The following ATP6V1A variants were observed in gnomAD, a reference collection of about 807,000 sequenced individuals.
ATP6V1A encodes the protein V-type proton ATPase catalytic subunit A.
Under a neutral mutation model 70.1 loss-of-function variants are expected in ATP6V1A, and 18 were observed. The ratio of observed to expected loss-of-function variants is 0.26; its 90% CI spans 0.18 to 0.38. The LOEUF is 0.38. Ranked by LOEUF, ATP6V1A falls within the 10% of genes least tolerant of loss-of-function variation. ATP6V1A has a pLI of 1.00. For synonymous variants in ATP6V1A, 232 were observed against 253.8 expected, an observed-to-expected ratio of 0.91 and a Z score of 0.82; for missense variants, 424 against 772.4, an observed-to-expected ratio of 0.55 and a Z score of 5.35.
intron 12 of ATP6V1A, among the ~76,000 whole-genome samples, chr3:113,799,323 T>C (rs1709185169): frequency 6.6e-6 from 1 of 152,202 alleles, no homozygotes; most frequent in Admixed American, 6.5e-5. Context: ...AATGTAATAA[T>C]ACAATGGAAA....
chr3:113,783,961 C>T (rs1333257993), intron 3 of ATP6V1A, among the ~76,000 whole-genome samples: 2 of 151,968 alleles, frequency 1.3e-5, no homozygotes, highest in Non-Finnish European at 2.9e-5. Context: ...TATATTTTTT[C>T]AAATTGCTAC....
intron 1 of ATP6V1A, among the ~76,000 whole-genome samples, chr3:113,761,509 G>A (rs552049457): frequency 1.3e-5 from 2 of 152,068 alleles, no homozygotes; most frequent in South Asian, 4.2e-4. Context: ...GGCCGAGGTG[G>A]GTAGATCACC....
At chr3:113,792,829 A>G (rs899486230) in intron 8 of ATP6V1A, among the ~76,000 whole-genome samples, 1 of 152,234 alleles carries the variant, frequency 6.6e-6, no homozygotes, top group African/African-American at 2.4e-5. Context: ...GGAAAAGTTG[A>G]AAGAATGTTA....
intron 1 of ATP6V1A, among the ~76,000 whole-genome samples, chr3:113,767,944 G>A (rs912137805): frequency 7.2e-5 from 11 of 152,078 alleles, no homozygotes; most frequent in Non-Finnish European, 1.5e-4. Context: ...GTGCCTGGCT[G>A]GAAAGTAATC....
rs757673439 is a variant in ATP6V1A, at chr3:113,805,425, C to T, written c.1661C>T (p.Ala554Val). ...MIAFYDMARR[A>V]VETTAQSDNK... ...GCATTTTATGATATGGCTCGTAGAG[C>T]TGTTGAAACCACTGCCCAGAGTGAC... The change falls in exon 14 of 15, where the codon GCT becomes GTT. Residue 554 changes from alanine to valine, a missense_variant. By Grantham distance (64) the Ala-to-Val change is moderately conservative. This residue lies in a region of ATP6V1A where 127 missense variants were observed against 207.9 expected (regional missense o/e 0.61). Coordinates refer to ENST00000273398, the MANE Select transcript of ATP6V1A (RefSeq NM_001690.4). The T allele has an allele frequency of 1.9e-6, 3 of 1,613,768 alleles. No homozygotes were observed. In the East Asian group the frequency reaches 6.7e-5, roughly 36 times the overall value.
rs771765985 is a variant in ATP6V1A at position 113,781,115 on chromosome 3, T to G, written c.148T>G (p.Leu50Val). Reference sequence around the variant, plus strand: ...GCTGGTGAGAGTGGGCCACAGCGAATTGGTTGGAGAGATTATTCGATTGGA... The same window carrying G: ...GCTGGTGAGAGTGGGCCACAGCGAAGTGGTTGGAGAGATTATTCGATTGGA... ...YELVRVGHSE[L>V]VGEIIRLEGD... The change falls in exon 3 of 15, where the codon TTG (leucine) becomes GTG (valine). Residue 50 changes from leucine (L) to valine (V), a missense_variant. Leu to Val is a conservative substitution (Grantham distance 32). Coordinates refer to ENST00000273398, the MANE Select transcript of ATP6V1A (RefSeq NM_001690.4). 6.2e-7 allele frequency: 1 copy of G among 1,613,702 alleles called. No individual in the cohort carries two copies. Among genetic ancestry groups the G allele is most frequent in the South Asian group, 1.1e-5 (1 of 91,060 alleles).
chr3:113,785,506 C>CTTTTTTT (rs987781968), intron 5 of ATP6V1A, among the ~76,000 whole-genome samples: 14 of 107,168 alleles, frequency 1.3e-4, no homozygotes, highest in South Asian at 9.1e-4. Context: ...TTTTTCTTTT[C>CTTTTTTT]TTTTTTTTTT....
At chr3:113,759,939 G>A (rs1372315397) in intron 1 of ATP6V1A, among the ~76,000 whole-genome samples, 1 of 152,166 alleles carries the variant, frequency 6.6e-6, no homozygotes, top group African/African-American at 2.4e-5. Context: ...TTATAGTCTG[G>A]AAGTGAAGAC....
At chr3:113,788,689 C>T (rs1188376445) in intron 6 of ATP6V1A, 24 bp from the exon 7 acceptor site, 2 of 1,599,748 alleles carry the variant, frequency 1.3e-6, no homozygotes, top group Non-Finnish European at 1.7e-6. Context: ...GTCAAGTAAT[C>T]CATACTTTGT....
intron 2 of ATP6V1A, 104 bp downstream of exon 2, chr3:113,778,939 A>C (rs1708948812): frequency 1.1e-5 from 9 of 790,942 alleles, no homozygotes; most frequent in Non-Finnish European, 1.7e-5. Flanking sequence ...TACCTGCATA[A>C]ATTCTGTTTG....
intron 1 of ATP6V1A, among the ~76,000 whole-genome samples, chr3:113,750,719 A>G (rs1377746052): frequency 6.6e-6 from 1 of 152,204 alleles, no homozygotes; most frequent in East Asian, 1.9e-4. Context: ...TGCCTAGAAC[A>G]TATTTTGTAA....
chr3:113,767,862 A>C (rs556392928), intron 1 of ATP6V1A, among the ~76,000 whole-genome samples: 2 of 152,174 alleles, frequency 1.3e-5, no homozygotes, highest in Admixed American at 6.5e-5. Context: ...CATCTTGGCC[A>C]GGCAAGTCTT....
chr3:113,803,548 G>C, intron 12 of ATP6V1A, 35 bp from the exon 13 acceptor site: 1 of 1,466,386 alleles, frequency 6.8e-7, no homozygotes, highest in Non-Finnish European at 9.5e-7. Context: ...TTACATTTTA[G>C]AGTAAATGTC....
intron 1 of ATP6V1A, among the ~76,000 whole-genome samples, chr3:113,751,310 C>T (rs1245322358): frequency 1.3e-5 from 2 of 151,296 alleles, no homozygotes; most frequent in Non-Finnish European, 3.0e-5. Context: ...TCATGATTCA[C>T]AAGGGTTAGT....
rs1709338793 is a variant in ATP6V1A, at chr3:113,811,261, T to C, written c.*1834T>C. The C allele has an allele frequency of 6.6e-6, 1 of 152,454 alleles. No homozygotes were observed. Among genetic ancestry groups the C allele is most frequent in the South Asian group, 2.1e-4 (1 of 4,836 alleles). 9.4% of individuals were successfully genotyped at this position (152,454 alleles called of 1,614,324 possible). The stretch of plus-strand genomic sequence containing the variant: ...TAGGTAATGCCTATCTCTTGGTCTA[T>C]TAAGGAAAGAAGCAATCAGTAGAGA... On this transcript the variant is annotated 3_prime_UTR_variant, in exon 15 of 15. Coordinates refer to ENST00000273398, the MANE Select transcript of ATP6V1A (RefSeq NM_001690.4).
At chr3:113,807,702 CT>C (rs1709292125) in intron 14 of ATP6V1A, among the ~76,000 whole-genome samples, 1 of 151,936 alleles carries the variant, frequency 6.6e-6, no homozygotes, top group African/African-American at 2.4e-5. Flanking sequence ...AGAAATATAC[CT>C]GTAGTAATGA....
At chr3:113,757,927 C>T (rs528559585) in intron 1 of ATP6V1A, among the ~76,000 whole-genome samples, 36 of 152,264 alleles carry the variant, frequency 2.4e-4, no homozygotes, top group African/African-American at 7.0e-4. Context: ...GGGTGGATCA[C>T]GAGGTCAAGA....
chr3:113,784,327 T>C lies in ATP6V1A; in HGVS notation c.315T>C (p.Pro105=), dbSNP rs1709014176. Residue 105 remains proline, a synonymous_variant, in exon 4 of 15, where the codon CCT becomes CCC. Coordinates refer to ENST00000273398, the MANE Select transcript of ATP6V1A (RefSeq NM_001690.4). ...CCATTTTTGATGGTATTCAAAGACCTTTGTCGGATATCAGCAGTCAGACCC... is the reference window on the plus strand; with the variant it reads ...CCATTTTTGATGGTATTCAAAGACCCTTGTCGGATATCAGCAGTCAGACCC... The part of the protein sequence containing the change: ...MGAIFDGIQR[P]LSDISSQTQS... The C allele has an allele frequency of 6.2e-7, 1 of 1,614,048 alleles. No homozygotes were observed. The highest frequency in any genetic ancestry group is 8.5e-7 in the Non-Finnish European group (1 of 1,179,912).
intron 1 of ATP6V1A, among the ~76,000 whole-genome samples, chr3:113,758,092 T>C (rs1188217350): frequency 6.6e-6 from 1 of 151,996 alleles, no homozygotes; most frequent in Non-Finnish European, 1.5e-5. Flanking sequence ...TGCAGTGAGC[T>C]GAGATCACAC....
Sources: allele counts gnomAD v4.1 joint callset (sites outside exome capture counted in the v4.1 genomes callset), GRCh38; gene constraint gnomAD v4.1.1; regional missense constraint gnomAD v4.1.1; transcripts MANE v1.5; gene names NCBI Gene and HGNC (gene_info 2026-07-23, HGNC 2026-07-21).